Variants in RNLS observed in about 807,000 individuals in gnomAD.
The protein encoded by RNLS is renalase.
A neutral mutation model predicts 39.8 loss-of-function variants in RNLS; 39 were observed. The observed-to-expected ratio is 0.98, with a 90% CI of 0.76 to 1.28. The LOEUF is 1.28. RNLS is among the 50% of genes most tolerant of loss of function. The probability of loss-of-function intolerance (pLI) is 0.00; values close to 1 mark genes in which losing one functional copy is unlikely to be tolerated. For missense variants in RNLS, 410 were observed against 413.3 expected, an observed-to-expected ratio of 0.99 and a Z score of 0.07; for synonymous variants, 147 against 150.7, an observed-to-expected ratio of 0.98 and a Z score of 0.18.
chr10:88,350,556 T>C (rs1293780927), intron 5 of RNLS, among the ~76,000 whole-genome samples: 1 of 152,188 alleles, frequency 6.6e-6, no homozygotes, highest in African/African-American at 2.4e-5. Flanking sequence ...ACAAAGGACA[T>C]GAACTCATCC....
chr10:88,414,886 T>C (rs1336856211), intron 4 of RNLS, among the ~76,000 whole-genome samples: 1 of 152,208 alleles, frequency 6.6e-6, no homozygotes, highest in Admixed American at 6.5e-5. Context: ...GGAGGAATTC[T>C]TTTGAGAGGA....
At chr10:88,372,421 G>A (rs1314901652) in intron 4 of RNLS, among the ~76,000 whole-genome samples, 3 of 152,046 alleles carry the variant, frequency 2.0e-5, no homozygotes, top group East Asian at 1.9e-4. Context: ...TAGATGTGAC[G>A]GTAGCTGGTT....
Position 88,583,228 on chromosome 10 carries a change from G to C in RNLS, c.-38C>G. Reference sequence around the variant, plus strand: ...CAGCGATCCGCGCTGAGTCTCTGCGGCGGGGCCGTTCGGCCCGGGCTTTCT... The same window carrying C: ...CAGCGATCCGCGCTGAGTCTCTGCGCCGGGGCCGTTCGGCCCGGGCTTTCT... On this transcript the variant is annotated 5_prime_UTR_variant, in exon 1 of 7. Transcript: ENST00000331772. 3 of 1,610,310 alleles carry C rather than the reference G, an allele frequency of 1.9e-6. No homozygotes were observed. The highest frequency in any genetic ancestry group is 2.5e-6 in the Non-Finnish European group (3 of 1,178,788).
intron 4 of RNLS, among the ~76,000 whole-genome samples, chr10:88,366,945 A>G (rs1850161624): frequency 2.6e-5 from 4 of 151,780 alleles, no homozygotes; most frequent in Middle Eastern, 3.2e-3. Flanking sequence ...GCTCTTGTCT[A>G]TTTTATAGAC....
the RNLS span, among the ~76,000 whole-genome samples, chr10:88,214,803 T>C: frequency 6.6e-6 from 1 of 152,228 alleles, no homozygotes; most frequent in East Asian, 1.9e-4. Flanking sequence ...TTAACTTTCA[T>C]ATTTTTATAA....
At chr10:88,373,739 T>G (rs1444062064) in intron 4 of RNLS, among the ~76,000 whole-genome samples, 1 of 152,146 alleles carries the variant, frequency 6.6e-6, no homozygotes, top group African/African-American at 2.4e-5. Context: ...CATATTATTA[T>G]CTTTGTTTTG....
intron 6 of RNLS, among the ~76,000 whole-genome samples, chr10:88,301,316 T>C (rs947214298): frequency 5.3e-5 from 8 of 152,184 alleles, no homozygotes; most frequent in Non-Finnish European, 1.0e-4. Flanking sequence ...ATGTACTACC[T>C]CATAATAAAC....
chr10:88,246,579 T>G, the RNLS span, among the ~76,000 whole-genome samples: 2 of 151,918 alleles, frequency 1.3e-5, no homozygotes, highest in African/African-American at 4.8e-5. Flanking sequence ...CAGTGTGTAA[T>G]GTAGGTAATA....
chr10:88,226,062 C>A, the RNLS span, among the ~76,000 whole-genome samples: 3 of 152,082 alleles, frequency 2.0e-5, no homozygotes, highest in African/African-American at 2.4e-5. Context: ...TGTGTTGGAT[C>A]AATTTTTTGT....
rs1218774680 is a variant in RNLS, at chr10:88,284,729, A to G, written c.*625T>C. Reference sequence around the variant, plus strand: ...GTTAAAAAGTACTGTGTGGCTGGGAAAATCATGTGGAATCTTATACTTTCT... The same window carrying G: ...GTTAAAAAGTACTGTGTGGCTGGGAGAATCATGTGGAATCTTATACTTTCT... On this transcript the variant is annotated 3_prime_UTR_variant, in exon 7 of 7. Transcript: ENST00000331772. 2 of 985,238 alleles carry G rather than the reference A, an allele frequency of 2.0e-6. No individual in the cohort carries two copies. The highest frequency in any genetic ancestry group is 2.4e-6 in the Non-Finnish European group (2 of 829,912). 61.0% of individuals were successfully genotyped at this position (985,238 alleles called of 1,614,324 possible). A position where few individuals can be genotyped will look rare whatever the true frequency, so the allele number is the denominator to read the frequency against.
intron 4 of RNLS, among the ~76,000 whole-genome samples, chr10:88,432,129 T>C (rs990161402): frequency 6.6e-6 from 1 of 151,818 alleles, no homozygotes; most frequent in Non-Finnish European, 1.5e-5. Context: ...TATCATGTAT[T>C]TTGCAATTTG....
intron 4 of RNLS, among the ~76,000 whole-genome samples, chr10:88,452,864 C>T (rs1842435190): frequency 6.6e-6 from 1 of 152,150 alleles, no homozygotes. Flanking sequence ...TCTCTTGGTA[C>T]TCTCTTGCTC....
chr10:88,338,680 CTTGAG>C (rs1381129980), intron 5 of RNLS, among the ~76,000 whole-genome samples: 1 of 151,438 alleles, frequency 6.6e-6, no homozygotes, highest in Non-Finnish European at 1.5e-5. Context: ...TTCCTAATAA[CTTGAG>C]TTATCTTCAT....
intron 4 of RNLS, among the ~76,000 whole-genome samples, chr10:88,515,195 T>G (rs2134171299): frequency 6.6e-6 from 1 of 152,188 alleles, no homozygotes; most frequent in Middle Eastern, 3.4e-3. Flanking sequence ...TTTTTCCAAG[T>G]TTGTCATTTC....
chr10:88,382,158 G>T (rs1391867050), intron 4 of RNLS, among the ~76,000 whole-genome samples: 2 of 152,026 alleles, frequency 1.3e-5, no homozygotes, highest in African/African-American at 4.8e-5. Context: ...ATGCCACGTT[G>T]TACTGTGACA....
chr10:88,454,942 C>T (rs931127150), intron 4 of RNLS, among the ~76,000 whole-genome samples: 6 of 152,078 alleles, frequency 3.9e-5, no homozygotes, highest in Non-Finnish European at 7.4e-5. Flanking sequence ...AATTCAACAG[C>T]TATTTATTGA....
intron 6 of RNLS, among the ~76,000 whole-genome samples, chr10:88,288,924 A>G (rs988182631): frequency 1.3e-5 from 2 of 152,300 alleles, no homozygotes; most frequent in Non-Finnish European, 1.5e-5. Flanking sequence ...CAAAGCCACA[A>G]TCTCACAATA....
chr10:88,284,473 A>C lies in RNLS; in HGVS notation c.*881T>G. 2 of 985,362 alleles carry C rather than the reference A, an allele frequency of 2.0e-6. No homozygotes were observed. Among genetic ancestry groups the C allele is most frequent in the Non-Finnish European group, 2.4e-6 (2 of 829,906 alleles). The allele number at this position is 985,362 out of a possible 1,614,324, so 61.0% of individuals were successfully genotyped here. ...ATGTGGGTGATATGCTGAACCACCA[A>C]CTTGGCAAATATTGAACTATTTTAA... On this transcript the variant is annotated 3_prime_UTR_variant, in exon 7 of 7. Coordinates refer to ENST00000331772, the MANE Select transcript of RNLS (RefSeq NM_001031709.3).
intron 4 of RNLS, among the ~76,000 whole-genome samples, chr10:88,421,782 G>C (rs1422024392): frequency 1.3e-5 from 2 of 152,044 alleles, no homozygotes; most frequent in Non-Finnish European, 2.9e-5. Flanking sequence ...TGTTGCTCCA[G>C]CCAGTCTGAT....
Sources: allele counts gnomAD v4.1 joint callset (sites outside exome capture counted in the v4.1 genomes callset), GRCh38; gene constraint gnomAD v4.1.1; transcripts MANE v1.5; gene names NCBI Gene and HGNC (gene_info 2026-07-23, HGNC 2026-07-21).